Variants in AGMO observed in about 807,000 individuals in gnomAD.
The protein encoded by AGMO is glyceryl-ether monooxygenase.
A neutral mutation model predicts 60.2 loss-of-function variants in AGMO; 75 were observed. The observed-to-expected ratio is 1.25, with a 90% CI of 1.03 to 1.51. The LOEUF is 1.51. Among genes scored for constraint, AGMO ranks in the 40% most tolerant of loss-of-function variants. The probability of loss-of-function intolerance (pLI) is 0.00; values close to 1 mark genes in which losing one functional copy is unlikely to be tolerated. For synonymous variants in AGMO, 261 were observed against 177.1 expected, an observed-to-expected ratio of 1.47 and a Z score of -3.76; for missense variants, 763 against 525.5, an observed-to-expected ratio of 1.45 and a Z score of -4.42.
At chr7:15,180,121 T>G in the AGMO span, among the ~76,000 whole-genome samples, 1 of 152,206 alleles carries the variant, frequency 6.6e-6, no homozygotes, top group Non-Finnish European at 1.5e-5. Context: ...GGCCCCCTTC[T>G]ATCCACAGTA....
intron 10 of AGMO, among the ~76,000 whole-genome samples, chr7:15,373,035 C>T (rs373324942): frequency 1.3e-5 from 2 of 151,952 alleles, no homozygotes; most frequent in Non-Finnish European, 2.9e-5. Flanking sequence ...AAGCTGAGGT[C>T]GGCAATTCAC....
intron 5 of AGMO, among the ~76,000 whole-genome samples, chr7:15,415,698 T>C (rs1251676526): frequency 6.6e-6 from 1 of 152,206 alleles, no homozygotes; most frequent in Non-Finnish European, 1.5e-5. Context: ...AGTGTAATAG[T>C]ATCATTATAT....
chr7:15,382,204 A>G (rs1161172896), intron 10 of AGMO, among the ~76,000 whole-genome samples: 1 of 152,190 alleles, frequency 6.6e-6, no homozygotes, highest in African/African-American at 2.4e-5. Flanking sequence ...TTTTCTCAAT[A>G]CATTATTCAA....
At chr7:15,555,288 TATATACACAC>T (rs1402662664) in intron 2 of AGMO, among the ~76,000 whole-genome samples, 70 of 99,982 alleles carry the variant, frequency 7.0e-4, no homozygotes, top group East Asian at 3.3e-3. Context: ...TATATATATA[TATATACACAC>T]ACACACACAC....
intron 2 of AGMO, among the ~76,000 whole-genome samples, chr7:15,549,288 A>G (rs1320420369): frequency 1.3e-5 from 2 of 149,530 alleles, no homozygotes; most frequent in Admixed American, 6.7e-5. Context: ...CTAACATCAT[A>G]ATGACAGGAT....
chr7:15,396,588 G>T (rs1317361637), intron 5 of AGMO: 2 of 152,322 alleles, frequency 1.3e-5, no homozygotes, highest in East Asian at 3.9e-4. Flanking sequence ...TCCTTGCTTG[G>T]ATCGCCAGCT....
At chr7:15,465,774 T>G in intron 3 of AGMO, among the ~76,000 whole-genome samples, 1 of 151,872 alleles carries the variant, frequency 6.6e-6, no homozygotes, top group Non-Finnish European at 1.5e-5. Flanking sequence ...ATCTATGCTT[T>G]CAATCATTGT....
intron 3 of AGMO, among the ~76,000 whole-genome samples, chr7:15,512,203 C>A (rs1389919905): frequency 6.6e-6 from 1 of 152,116 alleles, no homozygotes. Flanking sequence ...ATAGCAAGCA[C>A]TGATCTCTGT....
intron 12 of AGMO, among the ~76,000 whole-genome samples, chr7:15,329,537 AAC>A (rs1432479846): frequency 1.3e-5 from 2 of 152,210 alleles, no homozygotes; most frequent in East Asian, 3.8e-4. Flanking sequence ...AAAATGACAG[AAC>A]AACAGTTCAA....
intron 12 of AGMO, among the ~76,000 whole-genome samples, chr7:15,361,611 C>T (rs1375116780): frequency 1.3e-5 from 2 of 149,176 alleles, no homozygotes; most frequent in Non-Finnish European, 3.0e-5. Flanking sequence ...CATTCATCAC[C>T]AAATTAAAAA....
At chr7:15,225,181 T>C (rs904469205) in intron 12 of AGMO, among the ~76,000 whole-genome samples, 1 of 151,954 alleles carries the variant, frequency 6.6e-6, no homozygotes, top group African/African-American at 2.4e-5. Flanking sequence ...TCCATGTGAT[T>C]GCATAATCTT....
chr7:15,124,032 G>C, the AGMO span, among the ~76,000 whole-genome samples: 1 of 152,016 alleles, frequency 6.6e-6, no homozygotes, highest in East Asian at 1.9e-4. Context: ...GTTTTAAAAA[G>C]CTTGTGGTTT....
chr7:15,374,688 C>T (rs1400752954), intron 10 of AGMO, among the ~76,000 whole-genome samples: 1 of 152,024 alleles, frequency 6.6e-6, no homozygotes, highest in Non-Finnish European at 1.5e-5. Flanking sequence ...ATACAAATGA[C>T]ATGATCCATA....
At chr7:15,170,768 A>G in the AGMO span, among the ~76,000 whole-genome samples, 2 of 152,080 alleles carry the variant, frequency 1.3e-5, no homozygotes, top group Non-Finnish European at 2.9e-5. Context: ...TTCCTGTTCC[A>G]GGATCCTATT....
chr7:15,523,150 C>G (rs1039933829), intron 3 of AGMO, among the ~76,000 whole-genome samples: 6 of 152,296 alleles, frequency 3.9e-5, no homozygotes, highest in South Asian at 2.1e-4. Flanking sequence ...GAGATACCAT[C>G]TCACACCAGT....
intron 9 of AGMO, 35 bp from the exon 10 acceptor site, chr7:15,385,597 C>G: frequency 1.7e-6 from 2 of 1,192,178 alleles, no homozygotes; most frequent in Non-Finnish European, 2.5e-6. Flanking sequence ...TTATATTGCT[C>G]CAGACTCATT....
intron 12 of AGMO, among the ~76,000 whole-genome samples, chr7:15,233,552 T>A (rs552624332): frequency 7.1e-6 from 1 of 140,082 alleles, no homozygotes; most frequent in Non-Finnish European, 1.5e-5. Flanking sequence ...AGAGAGTTGT[T>A]TTTTTTTTTC....
At chr7:15,258,163 T>C (rs1404239901) in intron 12 of AGMO, among the ~76,000 whole-genome samples, 1 of 152,336 alleles carries the variant, frequency 6.6e-6, no homozygotes, top group East Asian at 1.9e-4. Flanking sequence ...AGCTATCATC[T>C]TTAGTTATGA....
the AGMO span, among the ~76,000 whole-genome samples, chr7:15,126,536 G>C: frequency 3.9e-5 from 6 of 152,030 alleles, no homozygotes; most frequent in Non-Finnish European, 8.8e-5. Context: ...TGCGGACTAA[G>C]CTCTGATTTT....
Sources: gnomAD v4.1 joint callset for allele counts (sites outside exome capture counted in the v4.1 genomes callset) on GRCh38, gnomAD v4.1.1 for gene constraint, MANE v1.5 for transcripts, NCBI Gene and HGNC (gene_info 2026-07-23, HGNC 2026-07-21) for gene names.